ZNF385D: variants seen among roughly 807,000 people sequenced by gnomAD.
The protein encoded by ZNF385D is zinc finger protein 659.
A neutral mutation model predicts 35.8 loss-of-function variants in ZNF385D; 15 were observed. The ratio of observed to expected loss-of-function variants is 0.42; its 90% confidence interval spans 0.28 to 0.64. ZNF385D has a LOEUF of 0.64. ZNF385D is among the 30% of genes least tolerant of loss of function. ZNF385D has a pLI of 0.23. For missense variants in ZNF385D, 474 were observed against 494.6 expected, an observed-to-expected ratio of 0.96 and a Z score of 0.39; for synonymous variants, 212 against 186.8, an observed-to-expected ratio of 1.13 and a Z score of -1.10.
At chr3:21,997,849 G>A (rs1457921347) in intron 3 of ZNF385D, among the ~76,000 whole-genome samples, 1 of 142,186 alleles carries the variant, frequency 7.0e-6, no homozygotes, top group African/African-American at 2.6e-5. Flanking sequence ...TGTTGATGTT[G>A]CTATTTGGCG....
intron 3 of ZNF385D, among the ~76,000 whole-genome samples, chr3:21,537,178 G>A (rs1281831571): frequency 1.6e-5 from 2 of 123,108 alleles, no homozygotes; most frequent in African/African-American, 6.2e-5. Flanking sequence ...TGTCACCCAC[G>A]CTGGAGTGCA....
At chr3:21,553,070 A>T (rs546152044) in intron 3 of ZNF385D, among the ~76,000 whole-genome samples, 4 of 152,114 alleles carry the variant, frequency 2.6e-5, no homozygotes, top group Non-Finnish European at 5.9e-5. Flanking sequence ...TGGGGTCACA[A>T]GTCAAGGAAT....
intron 3 of ZNF385D, among the ~76,000 whole-genome samples, chr3:22,014,580 T>C (rs1298858617): frequency 6.6e-6 from 1 of 152,106 alleles, no homozygotes; most frequent in Non-Finnish European, 1.5e-5. Flanking sequence ...AATGCAGACA[T>C]TTTTATACAT....
At position 21,594,715 on chromosome 3, in the gene ZNF385D, C is replaced by G. The variant is rs2064082020; in HGVS notation, c.166-30031G>C. Reference sequence around the variant, plus strand: ...AATTTTAAATTGCCCTGTGCCTTCCCTTGTGCCAAACAATTTTTAAACTTT... The same window carrying G: ...AATTTTAAATTGCCCTGTGCCTTCCGTTGTGCCAAACAATTTTTAAACTTT... On this transcript the variant is annotated intron_variant, in intron 2 of 7. Coordinates refer to ENST00000281523, the MANE Select transcript of ZNF385D (RefSeq NM_024697.3). Among the ~76,000 whole-genome samples, 6 of 152,082 alleles carry G rather than the reference C, an allele frequency of 3.9e-5. 1 individual carries two copies. The highest frequency in any genetic ancestry group is 3.9e-4 in the Admixed American group (6 of 15,270).
intron 3 of ZNF385D, among the ~76,000 whole-genome samples, chr3:21,972,954 G>A (rs759756866): frequency 4.0e-5 from 6 of 151,868 alleles, no homozygotes; most frequent in Non-Finnish European, 5.9e-5. Flanking sequence ...GAAAATACTA[G>A]GACCCAGCGG....
intron 1 of ZNF385D, among the ~76,000 whole-genome samples, chr3:21,693,469 T>C (rs2067351262): frequency 1.3e-5 from 2 of 152,164 alleles, no homozygotes; most frequent in African/African-American, 4.8e-5. Flanking sequence ...CTCTGCTTTA[T>C]AAGGAAACTC....
intron 1 of ZNF385D, among the ~76,000 whole-genome samples, chr3:21,733,090 A>T (rs1420697339): frequency 6.6e-6 from 1 of 151,062 alleles, no homozygotes; most frequent in Non-Finnish European, 1.5e-5. Flanking sequence ...CTTTGTCTAA[A>T]TTCATTTTTT....
chr3:21,736,365 T>G (rs1305505517), intron 1 of ZNF385D, among the ~76,000 whole-genome samples: 1 of 152,186 alleles, frequency 6.6e-6, no homozygotes, highest in Non-Finnish European at 1.5e-5. Flanking sequence ...ATAAAAATTA[T>G]TTTTTTAAAA....
chr3:22,125,545 C>A (rs1031273683), intron 3 of ZNF385D, among the ~76,000 whole-genome samples: 1 of 151,962 alleles, frequency 6.6e-6, no homozygotes, highest in Non-Finnish European at 1.5e-5. Flanking sequence ...AATTCATGAA[C>A]ATTCTAATCC....
intron 3 of ZNF385D, among the ~76,000 whole-genome samples, chr3:22,161,690 C>G (rs147850658): frequency 2.0e-5 from 3 of 152,208 alleles, no homozygotes; most frequent in African/African-American, 7.2e-5. Context: ...GATAAATTAT[C>G]AAATGATCTA....
intron 3 of ZNF385D, among the ~76,000 whole-genome samples, chr3:21,982,363 T>G (rs111282013): frequency 0.023 from 3,486 of 152,216 alleles, 75 homozygotes; most frequent in Middle Eastern, 0.089. Flanking sequence ...AGAATCGCCT[T>G]TCTGATTTGG....
intron 3 of ZNF385D, among the ~76,000 whole-genome samples, chr3:21,953,438 T>C (rs1412508734): frequency 6.6e-6 from 1 of 152,042 alleles, no homozygotes; most frequent in Admixed American, 6.6e-5. Flanking sequence ...TTCCTTATGC[T>C]ATATTTGAAA....
chr3:21,524,284 T>C (rs1708085430), intron 3 of ZNF385D, among the ~76,000 whole-genome samples: 1 of 152,182 alleles, frequency 6.6e-6, no homozygotes, highest in Admixed American at 6.5e-5. Context: ...AGATGGTAAC[T>C]GAAGCCACTG....
rs933316753 is a variant in ZNF385D at position 21,939,371 on chromosome 3, G to A, written c.325+229446C>T. Reference sequence around the variant, plus strand: ...GAATTTCTCAAAGACCATTCAGAAGGTAAGAGTGGTGAAAATGGAATCAAA... The same window carrying A: ...GAATTTCTCAAAGACCATTCAGAAGATAAGAGTGGTGAAAATGGAATCAAA... On this transcript the variant is annotated intron_variant, in intron 3 of 5. Transcript: ENST00000494108. 2.0e-5 allele frequency among the ~76,000 whole-genome samples: 3 copies of A among 152,072 alleles called. No homozygotes were observed. In the South Asian group the frequency reaches 6.2e-4, roughly 32 times the overall value.
intron 5 of ZNF385D, among the ~76,000 whole-genome samples, chr3:21,428,962 T>C (rs1701158280): frequency 7.5e-6 from 1 of 132,486 alleles, no homozygotes. Flanking sequence ...TGCTTAATTG[T>C]TCGTTTTGGA....
intron 2 of ZNF385D, among the ~76,000 whole-genome samples, chr3:22,245,921 G>A (rs137866352): frequency 6.6e-6 from 1 of 152,174 alleles, no homozygotes; most frequent in Non-Finnish European, 1.5e-5. Flanking sequence ...TCTGCAAAGT[G>A]GTTTAGATTA....
chr3:21,909,786 G>A (rs534750225), intron 3 of ZNF385D, among the ~76,000 whole-genome samples: 10 of 152,076 alleles, frequency 6.6e-5, no homozygotes, highest in East Asian at 3.9e-4. Context: ...ACGAGTTTCC[G>A]TTTTCTTGAA....
intron 2 of ZNF385D, among the ~76,000 whole-genome samples, chr3:21,590,089 G>A (rs2063925576): frequency 6.6e-6 from 1 of 152,074 alleles, no homozygotes; most frequent in Non-Finnish European, 1.5e-5. Flanking sequence ...CAAAAGCATG[G>A]ATCCAGATAT....
intron 3 of ZNF385D, among the ~76,000 whole-genome samples, chr3:21,762,068 AG>A (rs1479459853): frequency 1.3e-5 from 2 of 151,536 alleles, no homozygotes; most frequent in African/African-American, 4.8e-5. Context: ...TAGTAGAGAC[AG>A]GGTTTCACCA....
Sources: gnomAD v4.1 joint callset for allele counts (sites outside exome capture counted in the v4.1 genomes callset) on GRCh38, gnomAD v4.1.1 for gene constraint, MANE v1.5 for transcripts, NCBI Gene and HGNC (gene_info 2026-07-23, HGNC 2026-07-21) for gene names.